The following FAT3 variants were observed in gnomAD, a reference collection of about 807,000 sequenced individuals.
FAT3 encodes protocadherin Fat 3.
A neutral mutation model predicts 310.2 loss-of-function variants in FAT3; 95 were observed. That is an observed-to-expected ratio of 0.31 (90% CI 0.26 to 0.36). The LOEUF is 0.36. Ranked by LOEUF, FAT3 falls within the 10% of genes least tolerant of loss-of-function variation. The pLI is 1.00. For synonymous variants in FAT3, 2,314 were observed against 2,192.9 expected, an observed-to-expected ratio of 1.06 and a Z score of -1.54; for missense variants, 5,408 against 5,715.6, an observed-to-expected ratio of 0.95 and a Z score of 1.74.
At chr11:92,454,865 A>G (rs535140150) in intron 2 of FAT3, among the ~76,000 whole-genome samples, 42 of 152,238 alleles carry the variant, frequency 2.8e-4, no homozygotes, top group African/African-American at 1.0e-3. Flanking sequence ...GCCAAGCCCT[A>G]TTTAATAGGC....
intron 2 of FAT3, chr11:92,498,020 G>A (rs115104755): frequency 0.016 from 2,484 of 152,096 alleles, 72 homozygotes; most frequent in African/African-American, 0.056. Flanking sequence ...GGCAGGGACA[G>A]ATGGACCTGC....
Position 92,792,786 on chromosome 11 carries a change from C to T in FAT3, c.4631C>T (p.Pro1544Leu). The part of the protein sequence containing the change: ...LNIMVRDQEF[P>L]YRRNLARVIV... Reference sequence around the variant, plus strand: ...CTAAAGGTCAGAGATCAGGAGTTTCCTTATCGAAGAAACTTGGCCCGAGTC... The same window carrying T: ...CTAAAGGTCAGAGATCAGGAGTTTCTTTATCGAAGAAACTTGGCCCGAGTC... The change falls in exon 9 of 28, where the codon CCT (proline) becomes CTT (leucine). Residue 1544 changes from proline to leucine, a missense_variant. By Grantham distance (98) the Pro-to-Leu change is moderately conservative (BLOSUM62 -3). Transcript: ENST00000525166. 6.2e-7 allele frequency: 1 copy of T among 1,613,734 alleles called. No individual in the cohort carries two copies. Among genetic ancestry groups the T allele is most frequent in the Non-Finnish European group, 8.5e-7 (1 of 1,179,714 alleles).
chr11:92,411,541 G>C (rs1950269439), intron 2 of FAT3, among the ~76,000 whole-genome samples: 1 of 152,082 alleles, frequency 6.6e-6, no homozygotes, highest in South Asian at 2.1e-4. Context: ...CCAGGAATCT[G>C]TATTTTGACA....
At chr11:92,802,221 C>A (rs903117302) in intron 10 of FAT3, among the ~76,000 whole-genome samples, 4 of 151,234 alleles carry the variant, frequency 2.6e-5, no homozygotes, top group Middle Eastern at 3.4e-3. Context: ...ATGAAAATAA[C>A]AACTTTTTGG....
chr11:92,412,725 A>ATG (rs1950308615), intron 2 of FAT3, among the ~76,000 whole-genome samples: 2 of 39,398 alleles, frequency 5.1e-5, no homozygotes, highest in Admixed American at 3.4e-4. Flanking sequence ...ATATATATAT[A>ATG]TATATATATA....
intron 1 of FAT3, among the ~76,000 whole-genome samples, chr11:92,278,431 A>G (rs1261278801): frequency 6.6e-6 from 1 of 151,948 alleles, no homozygotes; most frequent in African/African-American, 2.4e-5. Flanking sequence ...GATGTTCTAT[A>G]CCTTTGAGTT....
chr11:92,355,926 A>G (rs930454428), intron 2 of FAT3, among the ~76,000 whole-genome samples: 8 of 152,162 alleles, frequency 5.3e-5, no homozygotes, highest in Non-Finnish European at 1.2e-4. Context: ...TGCACTCTGT[A>G]GCTCCATTAA....
chr11:92,564,267 A>G (rs1393297671), intron 3 of FAT3, among the ~76,000 whole-genome samples: 2 of 151,836 alleles, frequency 1.3e-5, no homozygotes, highest in East Asian at 1.9e-4. Flanking sequence ...CTTTAAACCA[A>G]CAAAGATCAA....
intron 1 of FAT3, among the ~76,000 whole-genome samples, chr11:92,327,530 A>T (rs1479972303): frequency 1.3e-5 from 2 of 152,214 alleles, no homozygotes; most frequent in African/African-American, 4.8e-5. Context: ...AAGTTAAAAG[A>T]TGCGTTTTCT....
chr11:92,576,893 T>C (rs564773061), intron 3 of FAT3, among the ~76,000 whole-genome samples: 17 of 62,944 alleles, frequency 2.7e-4, no homozygotes, highest in Non-Finnish European at 7.0e-4. Context: ...GAGAGCTAGA[T>C]GCCAAGAATG....
intron 3 of FAT3, among the ~76,000 whole-genome samples, chr11:92,580,852 G>A (rs1938754854): frequency 6.6e-6 from 1 of 151,964 alleles, no homozygotes; most frequent in African/African-American, 2.4e-5. Context: ...CTCCTTGGCA[G>A]TTTCACCTTT....
At chr11:92,447,280 CAG>C (rs898426574) in intron 2 of FAT3, among the ~76,000 whole-genome samples, 3 of 149,366 alleles carry the variant, frequency 2.0e-5, no homozygotes, top group Middle Eastern at 3.2e-3. Context: ...GCACATTTTT[CAG>C]AGTTAGGCTG....
intron 1 of FAT3, among the ~76,000 whole-genome samples, chr11:92,308,593 A>C (rs1362345121): frequency 1.3e-5 from 2 of 152,172 alleles, no homozygotes; most frequent in Non-Finnish European, 2.9e-5. Context: ...AAAACACTAG[A>C]ATTGTGTTAT....
chr11:92,296,266 A>G (rs568088161), intron 1 of FAT3, among the ~76,000 whole-genome samples: 10 of 152,126 alleles, frequency 6.6e-5, no homozygotes, highest in African/African-American at 2.4e-4. Context: ...TTGGAGTTGG[A>G]AAATACTGAA....
intron 1 of FAT3, among the ~76,000 whole-genome samples, chr11:92,338,215 C>G (rs1948144026): frequency 6.6e-6 from 1 of 152,158 alleles, no homozygotes; most frequent in African/African-American, 2.4e-5. Flanking sequence ...TTTACATATG[C>G]TGTGTAAACT....
chr11:92,527,838 T>C (rs4753408), intron 3 of FAT3, among the ~76,000 whole-genome samples: 10,673 of 152,100 alleles, frequency 0.07, 462 homozygotes, highest in African/African-American at 0.1. Flanking sequence ...GATAGATACA[T>C]AGATAGATAC....
chr11:92,258,069 C>T (rs1865383907), intron 1 of FAT3, among the ~76,000 whole-genome samples: 1 of 152,088 alleles, frequency 6.6e-6, no homozygotes, highest in Non-Finnish European at 1.5e-5. Context: ...CTATTATTCA[C>T]ATTGCTTAAG....
At chr11:92,643,681 A>G (rs1942043713) in intron 3 of FAT3, among the ~76,000 whole-genome samples, 1 of 152,250 alleles carries the variant, frequency 6.6e-6, no homozygotes, top group Non-Finnish European at 1.5e-5. Context: ...CCCTGGCATT[A>G]TGAATTCCCC....
chr11:92,402,933 TTAAAGGA>T (rs921020996), intron 2 of FAT3, among the ~76,000 whole-genome samples: 1 of 150,830 alleles, frequency 6.6e-6, no homozygotes, highest in African/African-American at 2.4e-5. Flanking sequence ...AGAAAAAACC[TTAAAGGA>T]AGGTGGGGGC....
Sources: gnomAD v4.1 joint callset for allele counts (sites outside exome capture counted in the v4.1 genomes callset) on GRCh38, gnomAD v4.1.1 for gene constraint, MANE v1.5 for transcripts, NCBI Gene and HGNC (gene_info 2026-07-23, HGNC 2026-07-21) for gene names.